SLC41A3: variants seen among roughly 807,000 people sequenced by gnomAD.
SLC41A3 encodes SLC41A1-like 2.
SLC41A3 carries 44 observed loss-of-function variants against 45.4 expected under a neutral mutation model. The ratio of observed to expected loss-of-function variants is 0.97; its 90% CI spans 0.76 to 1.25. The LOEUF is 1.25. Ranked by LOEUF, SLC41A3 falls within the 50% of genes most tolerant of loss-of-function variation. SLC41A3 has a pLI of 0.00. For synonymous variants in SLC41A3, 256 were observed against 252.4 expected, an observed-to-expected ratio of 1.01 and a Z score of -0.13; for missense variants, 550 against 600.6, an observed-to-expected ratio of 0.92 and a Z score of 0.88.
intron 10 of SLC41A3, among the ~76,000 whole-genome samples, chr3:126,008,083 G>A (rs1388567015): frequency 6.6e-6 from 1 of 152,248 alleles, no homozygotes; most frequent in African/African-American, 2.4e-5. Flanking sequence ...GTGGATAGCT[G>A]GACCACTCCT....
At chr3:126,021,040 G>T (rs897006763) in intron 6 of SLC41A3, among the ~76,000 whole-genome samples, 1 of 151,932 alleles carries the variant, frequency 6.6e-6, no homozygotes, top group Non-Finnish European at 1.5e-5. Flanking sequence ...GACTACAGGC[G>T]CCCGCCACCA....
At chr3:126,056,629 A>G (rs1943686579) in intron 2 of SLC41A3, 4 of 1,514,090 alleles carry the variant, frequency 2.6e-6, no homozygotes, top group African/African-American at 2.8e-5. Flanking sequence ...CCTGGCCCAC[A>G]CCAGGACGCT....
intron 3 of SLC41A3, among the ~76,000 whole-genome samples, chr3:126,043,139 C>T (rs1942704764): frequency 6.6e-6 from 1 of 152,006 alleles, no homozygotes; most frequent in East Asian, 1.9e-4. Flanking sequence ...AAAAGAGAAT[C>T]TTCAAAGCCA....
chr3:126,086,165 C>T (rs1345227333), upstream of SLC41A3, among the ~76,000 whole-genome samples: 1 of 152,102 alleles, frequency 6.6e-6, no homozygotes, highest in Non-Finnish European at 1.5e-5. Flanking sequence ...GACCTCATTT[C>T]GGGCACTCTG....
At chr3:126,084,420 C>CA (rs1945329644), upstream of SLC41A3, 1 of 152,190 alleles carries the variant, frequency 6.6e-6, no homozygotes, top group African/African-American at 2.4e-5. Flanking sequence ...TATGCGGCTG[C>CA]AGGTTTTATT....
Position 126,068,225 on chromosome 3 carries a change from C to A in SLC41A3, c.-6G>T, listed in dbSNP as rs764537584. On this transcript the variant is annotated 5_prime_UTR_variant, in exon 2 of 11. Transcript: ENST00000360370. ...CGGGTCTCTGTCCCATCCATCTGGG[C>A]ACAGCTGGGCGCCTGGCAGCCCTAC... 6.6e-7 allele frequency: 1 copy of A among 1,509,632 alleles called. No homozygotes were observed. Among genetic ancestry groups the A allele is most frequent in the Non-Finnish European group, 8.8e-7 (1 of 1,130,532 alleles). The allele number at this position is 1,509,632 out of a possible 1,614,324, so 93.5% of individuals were successfully genotyped here. A position where few individuals can be genotyped will look rare whatever the true frequency, so the allele number is the denominator to read the frequency against.
At chr3:126,057,148 G>T (rs1427320426) in intron 2 of SLC41A3, 5 of 985,320 alleles carry the variant, frequency 5.1e-6, no homozygotes, top group Non-Finnish European at 6.0e-6. Flanking sequence ...TCAAGGTCAA[G>T]CAGTCTATGG....
intron 9 of SLC41A3, among the ~76,000 whole-genome samples, chr3:126,011,243 T>A (rs1296173260): frequency 3.3e-5 from 5 of 151,638 alleles, no homozygotes; most frequent in Admixed American, 6.6e-5. Flanking sequence ...AAAAAGAAGA[T>A]AGAAAGAAAG....
chr3:126,060,642 CT>C (rs1944015757), intron 2 of SLC41A3, among the ~76,000 whole-genome samples: 1 of 152,244 alleles, frequency 6.6e-6, no homozygotes, highest in East Asian at 1.9e-4. Flanking sequence ...AGAAAAATGA[CT>C]TTCCTGTGAA....
At chr3:126,031,479 AG>A (rs1941791759) in intron 4 of SLC41A3, among the ~76,000 whole-genome samples, 2 of 152,194 alleles carry the variant, frequency 1.3e-5, no homozygotes, top group South Asian at 4.1e-4. Flanking sequence ...GTGGACTCCC[AG>A]GGGACCGGCT....
At chr3:126,069,387 C>T (rs994820387) in intron 1 of SLC41A3, among the ~76,000 whole-genome samples, 1 of 152,230 alleles carries the variant, frequency 6.6e-6, no homozygotes, top group African/African-American at 2.4e-5. Flanking sequence ...AATCTGTAAC[C>T]GGTCATCAGC....
Position 126,006,484 on chromosome 3 carries a change from T to C in SLC41A3, c.*532A>G, listed in dbSNP as rs764994025. 1.2e-6 allele frequency: 2 copies of C among 1,614,132 alleles called. No individual in the cohort carries two copies. Among genetic ancestry groups the C allele is most frequent in the Non-Finnish European group, 1.7e-6 (2 of 1,180,036 alleles). ...GACACGATTAAATGTTGAGTGCAGA[T>C]GAAGGGTTGTATGAGGCCCCATCCT... On this transcript the variant is annotated 3_prime_UTR_variant, in exon 11 of 11. Coordinates refer to ENST00000360370, the MANE Select transcript of SLC41A3 (RefSeq NM_017836.4).
At chr3:126,009,436 C>A (rs1201924920) in intron 9 of SLC41A3, among the ~76,000 whole-genome samples, 2 of 152,182 alleles carry the variant, frequency 1.3e-5, no homozygotes, top group Non-Finnish European at 2.9e-5. Flanking sequence ...CTGCAATGTG[C>A]CAGTGAGCCC....
intron 2 of SLC41A3, chr3:126,056,921 G>A: frequency 9.1e-7 from 1 of 1,094,970 alleles, no homozygotes; most frequent in Non-Finnish European, 1.1e-6. Flanking sequence ...ACAGCAATCA[G>A]CAGCCCAGCA....
intron 2 of SLC41A3, chr3:126,056,762 G>A (rs1943695965): frequency 7.1e-7 from 1 of 1,401,150 alleles, no homozygotes; most frequent in African/African-American, 1.4e-5. Context: ...AAAGGCCAGT[G>A]TGACTCACGG....
chr3:126,044,678 G>A (rs1450273165), intron 3 of SLC41A3, among the ~76,000 whole-genome samples: 3 of 151,802 alleles, frequency 2.0e-5, no homozygotes, highest in African/African-American at 4.8e-5. Flanking sequence ...GGTGGATCAC[G>A]AGGTCAGGAG....
intron 3 of SLC41A3, among the ~76,000 whole-genome samples, chr3:126,045,164 T>A (rs1942880632): frequency 6.6e-6 from 1 of 151,694 alleles, no homozygotes; most frequent in African/African-American, 2.4e-5. Context: ...ATAGCTGTAA[T>A]CAATTCCATT....
intron 8 of SLC41A3, among the ~76,000 whole-genome samples, chr3:126,013,840 C>T (rs745450313): frequency 5.3e-5 from 8 of 152,034 alleles, no homozygotes; most frequent in Admixed American, 4.6e-4. Flanking sequence ...ACAGGACGAG[C>T]GGGGTCATGT....
At chr3:126,017,520 C>T (rs537145439) in intron 6 of SLC41A3, among the ~76,000 whole-genome samples, 5 of 152,354 alleles carry the variant, frequency 3.3e-5, no homozygotes, top group South Asian at 4.1e-4. Flanking sequence ...GTCACTGCTG[C>T]GGGGGCCCAG....
Sources: allele counts gnomAD v4.1 joint callset (sites outside exome capture counted in the v4.1 genomes callset), GRCh38; gene constraint gnomAD v4.1.1; transcripts MANE v1.5; gene names NCBI Gene and HGNC (gene_info 2026-07-23, HGNC 2026-07-21).